Variants in MCM10 observed in about 807,000 individuals in gnomAD.
MCM10 encodes the protein minichromosome maintenance 10 replication initiation factor.
Under a neutral mutation model 109.9 loss-of-function variants are expected in MCM10, and 91 were observed. That is an observed-to-expected ratio of 0.83 (90% CI 0.70 to 0.99). The LOEUF (loss-of-function observed/expected upper bound fraction) is 0.99, where lower values mean the gene tolerates loss of function less well. Ranked by LOEUF, MCM10 falls within the 50% of genes least tolerant of loss-of-function variation. MCM10 has a pLI of 0.00. For missense variants in MCM10, 1,077 were observed against 1,061.2 expected, an observed-to-expected ratio of 1.01 and a Z score of -0.21; for synonymous variants, 380 against 387.2, an observed-to-expected ratio of 0.98 and a Z score of 0.22.
intron 13 of MCM10, among the ~76,000 whole-genome samples, chr10:13,194,317 C>A (rs910468281): frequency 6.6e-6 from 1 of 152,176 alleles, no homozygotes; most frequent in Non-Finnish European, 1.5e-5. Context: ...GAGCCGCAAT[C>A]GTGCCAACGC....
rs1290576102 is a variant in MCM10, at chr10:13,208,692, C to CA, written c.2499-391dup. Among the ~76,000 whole-genome samples the CA allele has an allele frequency of 3.3e-5, 5 of 151,616 alleles. No individual in the cohort carries two copies. In the South Asian group the frequency reaches 6.3e-4, roughly 19 times the overall value. On this transcript the variant is annotated intron_variant, in intron 18 of 19. Transcript: ENST00000378714. Reference sequence around the variant, plus strand: ...CTTTCTTAGCTCAACCTTTTTGCTCCAAAAAAAAGAGGAGGAAGGGGCCAA... The same window carrying CA: ...CTTTCTTAGCTCAACCTTTTTGCTCCAAAAAAAAAGAGGAGGAAGGGGCCAA...
At chr10:13,164,293 A>G (rs1335648976) in intron 2 of MCM10, 84 bp downstream of exon 2, 1 of 1,309,914 alleles carries the variant, frequency 7.6e-7, no homozygotes, top group African/African-American at 1.5e-5. Context: ...CTACCTGTAA[A>G]ATGGTGAAAA....
chr10:13,168,930 G>T (rs1345787826), intron 2 of MCM10, among the ~76,000 whole-genome samples: 1 of 152,168 alleles, frequency 6.6e-6, no homozygotes, highest in Non-Finnish European at 1.5e-5. Context: ...TTCTAACAAG[G>T]CCAGCCAGAA....
At chr10:13,204,994 G>A (rs113827694) in intron 18 of MCM10, among the ~76,000 whole-genome samples, 26 of 123,224 alleles carry the variant, frequency 2.1e-4, no homozygotes, top group South Asian at 9.8e-4. Context: ...ATGTATGTAT[G>A]TATGTATGTA....
In MCM10 at chr10:13,161,858, G is replaced by A. The variant is rs1833931144; in HGVS notation, c.-76+252G>A. Reference sequence around the variant, plus strand: ...TCCTTTTAAACGCAGCCTTTTAAGTGCTTGCCAAGTGCCTGCCGCCTGGGC... The same window carrying A: ...TCCTTTTAAACGCAGCCTTTTAAGTACTTGCCAAGTGCCTGCCGCCTGGGC... On this transcript the variant is annotated intron_variant, in intron 1 of 19. Transcript: ENST00000378714. Among the ~76,000 whole-genome samples, 3 of 152,216 alleles carry A rather than the reference G, an allele frequency of 2.0e-5. 1 individual carries two copies. In the South Asian group the frequency reaches 6.2e-4, roughly 32 times the overall value.
chr10:13,207,385 T>A (rs1834596951), intron 18 of MCM10, among the ~76,000 whole-genome samples: 1 of 152,152 alleles, frequency 6.6e-6, no homozygotes, highest in South Asian at 2.1e-4. Flanking sequence ...GATCGACATA[T>A]AGGCTACCAG....
chr10:13,181,445 G>T (rs1834208252), intron 7 of MCM10, among the ~76,000 whole-genome samples: 1 of 152,154 alleles, frequency 6.6e-6, no homozygotes, highest in South Asian at 2.1e-4. Context: ...AACGCTGCAT[G>T]TTCTCACTTA....
intron 11 of MCM10, among the ~76,000 whole-genome samples, chr10:13,191,778 G>A (rs182821269): frequency 6.6e-6 from 1 of 152,228 alleles, no homozygotes; most frequent in Non-Finnish European, 1.5e-5. Context: ...AAAATTTCTT[G>A]GTGTATCTGG....
intron 18 of MCM10, among the ~76,000 whole-genome samples, chr10:13,205,585 C>A (rs1041079659): frequency 1.3e-5 from 2 of 152,052 alleles, no homozygotes; most frequent in Non-Finnish European, 2.9e-5. Context: ...ATTTTTAGTT[C>A]TTTGAGAAAT....
In MCM10 at chr10:13,188,814, GTGTC is replaced by G. The variant is rs1429490638; in HGVS notation, c.1216-64_1216-61del. The stretch of plus-strand genomic sequence containing the variant: ...TTCCGGGAAGTGGGGAGAAGGAACT[GTGTC>G]TGCTCACTGCTGTTTCCCAGCCTGT... On this transcript the variant is annotated intron_variant, in intron 9 of 19. Transcript: ENST00000378714. 7.4e-6 allele frequency: 10 copies of G among 1,353,104 alleles called. No homozygotes were observed. In the East Asian group the frequency reaches 2.3e-4, roughly 31 times the overall value. 83.8% of individuals were successfully genotyped at this position (1,353,104 alleles called of 1,614,324 possible).
intron 6 of MCM10, 67 bp downstream of exon 6, chr10:13,175,748 A>G (rs2131562997): frequency 8.9e-7 from 1 of 1,125,970 alleles, no homozygotes; most frequent in South Asian, 1.5e-5. Context: ...GGAGTCCTTT[A>G]GAAGTAGTGT....
chr10:13,205,682 T>TG (rs901110635), intron 18 of MCM10, among the ~76,000 whole-genome samples: 1 of 152,228 alleles, frequency 6.6e-6, no homozygotes, highest in African/African-American at 2.4e-5. Flanking sequence ...CGCCAGCATC[T>TG]GGTTATTTTT....
At chr10:13,173,022 A>G (rs144310810) in intron 5 of MCM10, among the ~76,000 whole-genome samples, 1 of 152,248 alleles carries the variant, frequency 6.6e-6, no homozygotes, top group East Asian at 1.9e-4. Flanking sequence ...CAGGCTGGGT[A>G]GTATAGCAAG....
rs187312079 is a variant in MCM10 at position 13,205,098 on chromosome 10, G to C, written c.2498+734G>C. Among the ~76,000 whole-genome samples the C allele has an allele frequency of 1.9e-3, 249 of 132,944 alleles. 7 individuals carry two copies. In the East Asian group the frequency reaches 0.049, roughly 26 times the overall value. The allele number at this position is 132,944 out of a possible 152,430, so 87.2% of individuals were successfully genotyped here. A position where few individuals can be genotyped will look rare whatever the true frequency, so the allele number is the denominator to read the frequency against. ...GGGCACAAGTGCAATTTTGTTACCT[G>C]GATAGTTTGTGTAATAGTAAAGTCG... is the stretch of plus-strand genomic sequence containing the variant. On this transcript the variant is annotated intron_variant, in intron 18 of 19. Coordinates refer to ENST00000378714, the MANE Select transcript of MCM10 (RefSeq NM_018518.5).
In MCM10 at chr10:13,206,837, C is replaced by G. The variant is rs1834588529; in HGVS notation, c.2499-2254C>G. On this transcript the variant is annotated intron_variant, in intron 18 of 19. Coordinates refer to ENST00000378714, the MANE Select transcript of MCM10 (RefSeq NM_018518.5). ...CTTCTTTTTTTGAGACAGGGTCTCA[C>G]TCTGTCATCCAGGCAGGAGTGCAGT... Among the ~76,000 whole-genome samples the G allele has an allele frequency of 2.7e-5, 4 of 150,694 alleles. No homozygotes were observed. In the South Asian group the frequency reaches 8.4e-4, roughly 32 times the overall value.
intron 3 of MCM10, among the ~76,000 whole-genome samples, chr10:13,171,930 AATTTTTTTT>A (rs1425730630): frequency 2.0e-5 from 3 of 151,774 alleles, no homozygotes; most frequent in Non-Finnish European, 4.4e-5. Flanking sequence ...ATGCCCAGCT[AATTTTTTTT>A]ATTTTTTTTA....
intron 13 of MCM10, among the ~76,000 whole-genome samples, chr10:13,193,400 C>T (rs944257458): frequency 1.3e-5 from 2 of 151,208 alleles, no homozygotes; most frequent in Admixed American, 1.3e-4. Context: ...AGCTGCGGTT[C>T]ACAGGCACTT....
chr10:13,170,007 G>T (rs569721210), intron 2 of MCM10, among the ~76,000 whole-genome samples: 9 of 152,208 alleles, frequency 5.9e-5, no homozygotes, highest in Non-Finnish European at 1.2e-4. Context: ...CGCCTGGCTA[G>T]AACTATATGT....
At chr10:13,191,036 T>C (rs1834340362) in intron 10 of MCM10, among the ~76,000 whole-genome samples, 1 of 152,148 alleles carries the variant, frequency 6.6e-6, no homozygotes, top group South Asian at 2.1e-4. Flanking sequence ...ATCAAAGCAT[T>C]GGCTTTTTTT....
Sources: gnomAD v4.1 joint callset for allele counts (sites outside exome capture counted in the v4.1 genomes callset) on GRCh38, gnomAD v4.1.1 for gene constraint, MANE v1.5 for transcripts, NCBI Gene and HGNC (gene_info 2026-07-23, HGNC 2026-07-21) for gene names.